SUFU: variants seen among roughly 807,000 people sequenced by gnomAD.
SUFU encodes suppressor of fused homolog.
SUFU carries 7 observed loss-of-function variants against 58.9 expected under a neutral mutation model. That is an observed-to-expected ratio of 0.12 (90% CI 0.07 to 0.22). The LOEUF is 0.22. Among genes scored for constraint, SUFU ranks in the 10% least tolerant of loss-of-function variants. The pLI is 1.00. For missense variants in SUFU, 451 were observed against 641.3 expected (o/e 0.70, Z 3.20); for synonymous variants, 232 against 254.8 (o/e 0.91, Z 0.85).
intron 2 of SUFU, among the ~76,000 whole-genome samples, chr10:102,542,292 C>A (rs2062811337): frequency 6.6e-6 from 1 of 151,766 alleles, no homozygotes; most frequent in Non-Finnish European, 1.5e-5. Flanking sequence ...GCCACCACTC[C>A]CAGCTAGTTT....
chr10:102,569,079 A>G (rs2063135417), intron 3 of SUFU, among the ~76,000 whole-genome samples: 1 of 150,758 alleles, frequency 6.6e-6, no homozygotes, highest in Admixed American at 6.6e-5. Context: ...AGTTTTCCCT[A>G]TTTTAAACAA....
chr10:102,588,561 C>CA, intron 3 of SUFU, among the ~76,000 whole-genome samples: 1 of 152,290 alleles, frequency 6.6e-6, no homozygotes, highest in South Asian at 2.1e-4. Context: ...TTAAGACCTT[C>CA]AACTTTGCTC....
chr10:102,581,772 C>T (rs1011425152), intron 3 of SUFU, among the ~76,000 whole-genome samples: 7 of 152,174 alleles, frequency 4.6e-5, no homozygotes, highest in Non-Finnish European at 8.8e-5. Flanking sequence ...AACTGCTAAG[C>T]CCCCCTAGGA....
chr10:102,567,024 T>TTTG (rs2063098367), intron 3 of SUFU, among the ~76,000 whole-genome samples: 1 of 121,392 alleles, frequency 8.2e-6, no homozygotes, highest in Non-Finnish European at 1.8e-5. Flanking sequence ...TTTTTTTTTT[T>TTTG]TTTTTGAGAC....
At chr10:102,577,080 CTTTTCTTTTTTTTTTT>C (rs2063219497) in intron 3 of SUFU, among the ~76,000 whole-genome samples, 1 of 97,086 alleles carries the variant, frequency 1.0e-5, no homozygotes. Context: ...TGGATTTTTT[CTTTTCTTTTTTTTTTT>C]TTTTTGAGAT....
chr10:102,524,208 G>A (rs2062582078), intron 2 of SUFU, among the ~76,000 whole-genome samples: 1 of 151,704 alleles, frequency 6.6e-6, no homozygotes, highest in East Asian at 1.9e-4. Flanking sequence ...GTCTCACTAT[G>A]TTACCCAGGC....
chr10:102,567,653 G>C (rs2063105302), intron 3 of SUFU, among the ~76,000 whole-genome samples: 1 of 152,186 alleles, frequency 6.6e-6, no homozygotes, highest in Non-Finnish European at 1.5e-5. Context: ...GAAGAGAAAA[G>C]GGAGGGAATT....
At chr10:102,550,347 C>G (rs2062899832) in intron 3 of SUFU, among the ~76,000 whole-genome samples, 1 of 152,300 alleles carries the variant, frequency 6.6e-6, no homozygotes, top group African/African-American at 2.4e-5. Flanking sequence ...TATGTTGTGC[C>G]ACCCTGCACC....
intron 8 of SUFU, among the ~76,000 whole-genome samples, chr10:102,599,855 T>C (rs2063499925): frequency 6.6e-6 from 1 of 152,194 alleles, no homozygotes; most frequent in South Asian, 2.1e-4. Context: ...TGGGAGCCCA[T>C]TGTGCTGAGC....
intron 3 of SUFU, among the ~76,000 whole-genome samples, chr10:102,556,133 G>T (rs1274190325): frequency 6.6e-6 from 1 of 152,158 alleles, no homozygotes; most frequent in African/African-American, 2.4e-5. Context: ...AGTGGGAGGC[G>T]AATGAAAGGG....
At chr10:102,580,027 G>GCCCCCCCCCCCCCCC (rs1378925159) in intron 3 of SUFU, among the ~76,000 whole-genome samples, 3 of 41,954 alleles carry the variant, frequency 7.2e-5, no homozygotes, top group Non-Finnish European at 1.5e-4. Flanking sequence ...CTCCTCCCCC[G>GCCCCCCCCCCCCCCC]CACCCCCCCC....
Position 102,504,108 on chromosome 10 carries a change from C to A in SUFU, c.-45C>A. The stretch of plus-strand genomic sequence containing the variant: ...GCTGGCCCGTCAGTGCTCTCCCCGT[C>A]GTTTGCCCTCTCCAGTTCCCCCAGT... On this transcript the variant is annotated 5_prime_UTR_variant, in exon 1 of 12. Coordinates refer to ENST00000369902, the MANE Select transcript of SUFU (RefSeq NM_016169.4). 1 of 1,521,404 alleles carries A rather than the reference C, an allele frequency of 6.6e-7. No homozygotes were observed. Among genetic ancestry groups the A allele is most frequent in the Non-Finnish European group, 8.8e-7 (1 of 1,139,486 alleles). 94.2% of individuals were successfully genotyped at this position (1,521,404 alleles called of 1,614,324 possible).
chr10:102,513,459 G>A (rs969406969), intron 2 of SUFU, among the ~76,000 whole-genome samples: 5 of 152,210 alleles, frequency 3.3e-5, no homozygotes, highest in Admixed American at 6.5e-5. Context: ...ACAGAACATC[G>A]TAATAGATGT....
Position 102,504,256 on chromosome 10 carries a change from A to G in SUFU, c.104A>G (p.His35Arg), listed in dbSNP as rs2062292023. 6.2e-7 allele frequency: 1 copy of G among 1,606,718 alleles called. No homozygotes were observed. Among genetic ancestry groups the G allele is most frequent in the African/African-American group, 1.4e-5 (1 of 73,972 alleles). ...AFASLFPPGL[H>R]AIYGECRRLY... is the part of the protein sequence containing the mutation. ...GCTTCGCTCTTTCCCCCGGGACTGC[A>G]CGCCATCTACGGAGAGTGCCGCCGC... is the stretch of plus-strand genomic sequence containing the variant. Residue 35 changes from histidine to arginine, a missense_variant, in exon 1 of 12, where the codon CAC becomes CGC. Coordinates refer to ENST00000369902, the MANE Select transcript of SUFU (RefSeq NM_016169.4).
chr10:102,577,080 C>CTTTTTTTTTTTTTTTTTTTTTTT lies in SUFU; in HGVS notation c.455-15498_455-15497insTTTTTTTTTTTTTTTTTTTTTTT. Among the ~76,000 whole-genome samples the CTTTTTTTTTTTTTTTTTTTTTTT allele has an allele frequency of 2.1e-5, 2 of 97,086 alleles. 1 individual carries two copies. The highest frequency in any genetic ancestry group is 4.4e-5 in the Non-Finnish European group (2 of 45,262). 63.7% of individuals were successfully genotyped at this position (97,086 alleles called of 152,430 possible). ...AGTAGAAGCATGTCCTGGATTTTTT[C>CTTTTTTTTTTTTTTTTTTTTTTT]TTTTCTTTTTTTTTTTTTTTTGAGA... On this transcript the variant is annotated intron_variant, in intron 3 of 11. Transcript: ENST00000369902.
At chr10:102,608,309 A>G (rs999449758) in intron 8 of SUFU, among the ~76,000 whole-genome samples, 2 of 152,220 alleles carry the variant, frequency 1.3e-5, no homozygotes, top group African/African-American at 4.8e-5. Context: ...GCATGGGAAA[A>G]CAGTGACTAT....
chr10:102,518,160 G>A (rs2062495719), intron 2 of SUFU, among the ~76,000 whole-genome samples: 1 of 152,096 alleles, frequency 6.6e-6, no homozygotes. Flanking sequence ...ACTTTTCTAA[G>A]TGCTTTATAT....
In SUFU at chr10:102,542,947, A is replaced by G. The variant is rs544668187; in HGVS notation, c.318-7023A>G. ...GCCTCTTTTGCTTTTTTCGCCTAAC[A>G]GTGTTTATACCAATTTGTAGAGTTC... On this transcript the variant is annotated intron_variant, in intron 2 of 11. Transcript: ENST00000369902. Among the ~76,000 whole-genome samples the G allele has an allele frequency of 7.9e-5, 12 of 152,320 alleles. No homozygotes were observed. In the South Asian group the frequency reaches 2.3e-3, roughly 29 times the overall value.
rs928439212 is a variant in SUFU at position 102,529,519 on chromosome 10, A to G, written c.317+20216A>G. ...CCAGGCTCAGTGGCTCACGCCTGTAATCGCAGCACTTTGGGAGGCCTAGGC... is the reference window on the plus strand; with the variant it reads ...CCAGGCTCAGTGGCTCACGCCTGTAGTCGCAGCACTTTGGGAGGCCTAGGC... On this transcript the variant is annotated intron_variant, in intron 2 of 11. Coordinates refer to ENST00000369902, the MANE Select transcript of SUFU (RefSeq NM_016169.4). 5.3e-5 allele frequency among the ~76,000 whole-genome samples: 8 copies of G among 152,296 alleles called. 1 individual carries two copies. In the Middle Eastern group the frequency reaches 0.01, roughly 194 times the overall value.
Sources: allele counts gnomAD v4.1 joint callset (sites outside exome capture counted in the v4.1 genomes callset), GRCh38; gene constraint gnomAD v4.1.1; transcripts MANE v1.5; gene names NCBI Gene and HGNC (gene_info 2026-07-23, HGNC 2026-07-21).